Variants in FAM186B observed in about 807,000 individuals in gnomAD.
FAM186B encodes family with sequence similarity 186 member B.
A neutral mutation model predicts 83.4 loss-of-function variants in FAM186B; 68 were observed. The observed-to-expected ratio is 0.81, with a 90% CI of 0.67 to 1.00. FAM186B has a LOEUF of 1.00. Among genes scored for constraint, FAM186B ranks in the 50% least tolerant of loss-of-function variants. The pLI is 0.00. For missense variants in FAM186B, 983 were observed against 1,099.2 expected (o/e 0.89, Z 1.49); for synonymous variants, 389 against 422.0 (o/e 0.92, Z 0.96).
At chr12:49,592,582 G>T (rs891746988) in intron 5 of FAM186B, among the ~76,000 whole-genome samples, 5 of 152,140 alleles carry the variant, frequency 3.3e-5, no homozygotes, top group African/African-American at 1.2e-4. Context: ...CCAGGAGTTC[G>T]AGACCAGCCT....
chr12:49,605,152 C>T (rs375311242), intron 1 of FAM186B: 5 of 1,360,986 alleles, frequency 3.7e-6, no homozygotes, highest in East Asian at 3.0e-5. Context: ...CTTCCTGCCC[C>T]CTTCCCGGGC....
chr12:49,603,747 G>C (rs1939949287), intron 2 of FAM186B, among the ~76,000 whole-genome samples: 1 of 152,168 alleles, frequency 6.6e-6, no homozygotes, highest in Non-Finnish European at 1.5e-5. Context: ...TGTCAGTCTT[G>C]AGGGCAGCTG....
the FAM186B span, among the ~76,000 whole-genome samples, chr12:49,620,438 G>T: frequency 6.6e-6 from 1 of 152,018 alleles, no homozygotes; most frequent in Admixed American, 6.6e-5. Flanking sequence ...GAGAGGCCAA[G>T]GCAGGTGGAT....
chr12:49,617,304 G>C, the FAM186B span, among the ~76,000 whole-genome samples: 4 of 152,142 alleles, frequency 2.6e-5, no homozygotes, highest in African/African-American at 9.7e-5. Context: ...CAGCACTTTC[G>C]GAGGCCAGGG....
chr12:49,620,833 G>A, the FAM186B span, among the ~76,000 whole-genome samples: 12 of 152,140 alleles, frequency 7.9e-5, no homozygotes, highest in Admixed American at 4.6e-4. Context: ...TATTTTCTCC[G>A]TAAGAATTGT....
upstream of FAM186B, among the ~76,000 whole-genome samples, chr12:49,610,008 T>C (rs1940068374): frequency 6.6e-6 from 1 of 152,160 alleles, no homozygotes; most frequent in South Asian, 2.1e-4. Context: ...TCTACTGGCC[T>C]GTACATCAAA....
chr12:49,598,455 C>T (rs890166241), intron 5 of FAM186B, among the ~76,000 whole-genome samples: 3 of 152,184 alleles, frequency 2.0e-5, no homozygotes, highest in African/African-American at 7.2e-5. Flanking sequence ...CAGGATCCAG[C>T]TGCCTCCTCT....
At chr12:49,587,845 G>T in intron 6 of FAM186B, 93 bp from the exon 7 acceptor site, 1 of 1,390,948 alleles carries the variant, frequency 7.2e-7, no homozygotes, top group Non-Finnish European at 9.8e-7. Flanking sequence ...AGTGAGCTTT[G>T]TCTCCTTCCC....
At chr12:49,596,280 G>T (rs990282643) in intron 5 of FAM186B, among the ~76,000 whole-genome samples, 2 of 146,870 alleles carry the variant, frequency 1.4e-5, no homozygotes, top group Admixed American at 6.8e-5. Flanking sequence ...AGGCAGAGCA[G>T]GAGTTCAAGA....
At chr12:49,605,762 T>C (rs560491565), upstream of FAM186B, 9 of 207,682 alleles carry the variant, frequency 4.3e-5, no homozygotes, top group East Asian at 1.2e-4. Flanking sequence ...CCTTTTCTTT[T>C]TTTTTTTTTT....
chr12:49,603,359 GA>G lies in FAM186B; in HGVS notation c.330del (p.Leu111Ter). On this transcript the variant is annotated frameshift_variant, in exon 3 of 7. Coordinates refer to ENST00000257894, the MANE Select transcript of FAM186B (RefSeq NM_032130.3). LOFTEE classifies it high-confidence loss of function. ...ILRWLGDWGD[T>X]LTYEIGPRKS... is the part of the protein sequence containing the mutation. ...TTCCTGGGCCCAATCTCATAGGTCA[GA>G]GTGTCACCTGGAGAAGGGATGGGAG... 1 of 1,614,178 alleles carries G rather than the reference GA, an allele frequency of 6.2e-7. No individual in the cohort carries two copies.
At position 49,598,958 on chromosome 12, in the gene FAM186B, A is replaced by G. The variant is rs1359140010; in HGVS notation, c.2172-11T>C. The G allele has an allele frequency of 1.2e-6, 2 of 1,612,902 alleles. No homozygotes were observed. The highest frequency in any genetic ancestry group is 2.7e-5 in the African/African-American group (2 of 74,774). On this transcript the variant is annotated splice_polypyrimidine_tract_variant and intron_variant, in intron 4 of 6. Transcript: ENST00000257894. ...TTGATCGCTTCTTGCCTGGGAAAAGAGGAGAAGCAATTTAGGGGGTGGAGA... is the reference window on the plus strand; with the variant it reads ...TTGATCGCTTCTTGCCTGGGAAAAGGGGAGAAGCAATTTAGGGGGTGGAGA...
At chr12:49,584,269 G>C (rs1939394466), downstream of FAM186B, 1 of 516,076 alleles carries the variant, frequency 1.9e-6, no homozygotes, top group Admixed American at 3.2e-5. Flanking sequence ...TTTCAGCAAT[G>C]AGACAGAATT....
intron 6 of FAM186B, among the ~76,000 whole-genome samples, chr12:49,588,136 G>A (rs893143132): frequency 2.0e-5 from 3 of 152,348 alleles, no homozygotes; most frequent in South Asian, 4.1e-4. Flanking sequence ...ACAGACCAAC[G>A]GCAGATGCCA....
chr12:49,607,936 G>A (rs7307183), upstream of FAM186B, among the ~76,000 whole-genome samples: 2,411 of 151,910 alleles, frequency 0.016, 62 homozygotes, highest in African/African-American at 0.054. Context: ...CTGACCCCAG[G>A]TGATCCACCC....
intron 5 of FAM186B, among the ~76,000 whole-genome samples, chr12:49,593,442 C>G (rs577765195): frequency 1.3e-5 from 2 of 152,214 alleles, no homozygotes; most frequent in East Asian, 3.9e-4. Flanking sequence ...GGAGACCAGC[C>G]TGGCCAACAT....
At chr12:49,595,486 G>A in intron 5 of FAM186B, 2 of 471,262 alleles carry the variant, frequency 4.2e-6, no homozygotes, top group South Asian at 1.7e-5. Flanking sequence ...TGGAAGTAAA[G>A]TTACAACACT....
chr12:49,584,978 G>A (rs1939409549), downstream of FAM186B, among the ~76,000 whole-genome samples: 1 of 151,982 alleles, frequency 6.6e-6, no homozygotes, highest in African/African-American at 2.4e-5. Context: ...GTCTGTTCAT[G>A]TGCATCTCGG....
At position 49,604,367 on chromosome 12, in the gene FAM186B, C is replaced by T; in HGVS notation, c.268G>A (p.Ala90Thr). 1 of 1,614,262 alleles carries T rather than the reference C, an allele frequency of 6.2e-7. No homozygotes were observed. Among genetic ancestry groups the T allele is most frequent in the Non-Finnish European group, 8.5e-7 (1 of 1,180,044 alleles). Residue 90 changes from alanine to threonine, a missense_variant, in exon 2 of 7, where the codon GCT (alanine) becomes ACT (threonine). Physicochemically the swap from Ala to Thr is moderately conservative, Grantham distance 58 (BLOSUM62 0). Transcript: ENST00000257894. The stretch of plus-strand genomic sequence containing the variant: ...TACAGGTGCTTCTCCTTCATCATAG[C>T]ATCTTTGGAGAAGGAGGCAATTTTT... ...LEKIASFSKDAMMKEKHLYDI... is the reference protein window; with the variant it reads ...LEKIASFSKDTMMKEKHLYDI...
Sources: gnomAD v4.1 joint callset for allele counts (sites outside exome capture counted in the v4.1 genomes callset) on GRCh38, gnomAD v4.1.1 for gene constraint, MANE v1.5 for transcripts, NCBI Gene and HGNC (gene_info 2026-07-23, HGNC 2026-07-21) for gene names.